Variants in PTPRR observed in about 807,000 individuals in gnomAD.
PTPRR encodes the protein protein tyrosine phosphatase receptor type R.
In PTPRR, 38 loss-of-function variants were observed where a neutral mutation model predicts 77.2. That is an observed-to-expected ratio of 0.49 (90% CI 0.38 to 0.65). The LOEUF is 0.65. PTPRR is among the 30% of genes least tolerant of loss of function. The pLI, the probability that PTPRR is intolerant of heterozygous loss-of-function variation, is 0.00. For synonymous variants in PTPRR, 299 were observed against 283.1 expected (o/e 1.06, Z -0.57); for missense variants, 744 against 799.2 (o/e 0.93, Z 0.83).
intron 2 of PTPRR, among the ~76,000 whole-genome samples, chr12:70,864,003 C>T (rs763054509): frequency 6.6e-6 from 1 of 152,116 alleles, no homozygotes; most frequent in African/African-American, 2.4e-5. Flanking sequence ...GATAGCCTCG[C>T]TGAGATAAGG....
intron 2 of PTPRR, among the ~76,000 whole-genome samples, chr12:70,877,166 AG>A (rs1893065835): frequency 6.6e-6 from 1 of 152,216 alleles, no homozygotes; most frequent in African/African-American, 2.4e-5. Flanking sequence ...GAATGTAAGT[AG>A]GGCTTCGGTC....
intron 1 of PTPRR, among the ~76,000 whole-genome samples, chr12:70,899,235 C>G (rs544130295): frequency 5.3e-5 from 8 of 150,938 alleles, no homozygotes; most frequent in African/African-American, 1.9e-4. Context: ...CCAAAATTAC[C>G]CTGATAACAA....
intron 2 of PTPRR, among the ~76,000 whole-genome samples, chr12:70,787,885 T>C (rs1260005986): frequency 6.6e-6 from 1 of 152,158 alleles, no homozygotes; most frequent in African/African-American, 2.4e-5. Context: ...TTATTCATCA[T>C]CAAGGACCAC....
chr12:70,656,936 AGTATTATAAACCTGGCCCT>A, intron 12 of PTPRR, 119 bp from the exon 13 acceptor site: 2 of 596,830 alleles, frequency 3.4e-6, no homozygotes, highest in Non-Finnish European at 5.9e-6. Flanking sequence ...TCACATATTG[AGTATTATAAACCTGGCCCT>A]GTGCTAAGTG....
At chr12:70,742,703 G>A (rs1281564558) in intron 6 of PTPRR, among the ~76,000 whole-genome samples, 2 of 151,078 alleles carry the variant, frequency 1.3e-5, no homozygotes, top group Non-Finnish European at 3.0e-5. Context: ...GAAAAAAACA[G>A]AATTCGAGGT....
chr12:70,726,581 A>ATT (rs148966922), intron 6 of PTPRR, among the ~76,000 whole-genome samples: 4 of 139,720 alleles, frequency 2.9e-5, no homozygotes, highest in African/African-American at 7.9e-5. Context: ...TCTGCATTTA[A>ATT]TTTTTTTTTT....
chr12:70,809,100 T>C (rs1432377251), intron 2 of PTPRR, among the ~76,000 whole-genome samples: 2 of 152,146 alleles, frequency 1.3e-5, no homozygotes, highest in African/African-American at 4.8e-5. Context: ...TACAGCTAGG[T>C]GTGGTCACAT....
At chr12:70,889,607 T>G (rs1223759703) in intron 2 of PTPRR, among the ~76,000 whole-genome samples, 1 of 152,104 alleles carries the variant, frequency 6.6e-6, no homozygotes, top group Non-Finnish European at 1.5e-5. Context: ...CAAGAAATTT[T>G]AGGATTCTAG....
intron 2 of PTPRR, among the ~76,000 whole-genome samples, chr12:70,769,534 T>G (rs1018474935): frequency 1.3e-5 from 2 of 152,136 alleles, no homozygotes; most frequent in Non-Finnish European, 2.9e-5. Context: ...TGGAAGAACA[T>G]TCCATGCTCA....
At chr12:70,772,526 T>C (rs1891001674) in intron 2 of PTPRR, among the ~76,000 whole-genome samples, 1 of 152,182 alleles carries the variant, frequency 6.6e-6, no homozygotes, top group Non-Finnish European at 1.5e-5. Flanking sequence ...TGCTCAATGC[T>C]ATAGGAATCA....
At chr12:70,695,220 G>A (rs949691626) in intron 8 of PTPRR, among the ~76,000 whole-genome samples, 2 of 152,238 alleles carry the variant, frequency 1.3e-5, no homozygotes, top group African/African-American at 4.8e-5. Flanking sequence ...GAAGAGTTTA[G>A]TGTAGGTTAA....
Position 70,667,172 on chromosome 12 carries a change from A to G in PTPRR, c.1498-4567T>C, listed in dbSNP as rs193140020. 5.0e-3 allele frequency among the ~76,000 whole-genome samples: 763 copies of G among 151,890 alleles called. 4 individuals carry two copies. The highest frequency in any genetic ancestry group is 0.018 in the African/African-American group (738 of 41,438). The stretch of plus-strand genomic sequence containing the variant: ...GGAGTTTCACCGTGTTAGCCAGGAT[A>G]GTCTCGATCTCCTGACGTCGTGATC... On this transcript the variant is annotated intron_variant, in intron 10 of 13. Transcript: ENST00000283228.
intron 2 of PTPRR, among the ~76,000 whole-genome samples, chr12:70,829,249 G>GAAATAAATAAATAAAT (rs71895366): frequency 4.0e-5 from 6 of 149,174 alleles, no homozygotes; most frequent in East Asian, 2.0e-4. Context: ...GAAGGAAAGA[G>GAAATAAATAAATAAAT]AAATAAATAA....
At chr12:70,876,116 T>C (rs1729951620) in intron 2 of PTPRR, among the ~76,000 whole-genome samples, 1 of 152,190 alleles carries the variant, frequency 6.6e-6, no homozygotes, top group Admixed American at 6.6e-5. Context: ...GGTAATTTAT[T>C]AATTAAAATA....
chr12:70,782,802 G>A (rs553516121), intron 2 of PTPRR, among the ~76,000 whole-genome samples: 36 of 152,022 alleles, frequency 2.4e-4, no homozygotes, highest in Non-Finnish European at 5.0e-4. Context: ...AAAGCTGTAC[G>A]TTGTGAACAT....
chr12:70,695,273 AATC>A (rs1406765514), intron 8 of PTPRR, among the ~76,000 whole-genome samples: 2 of 152,336 alleles, frequency 1.3e-5, no homozygotes, highest in East Asian at 3.9e-4. Flanking sequence ...ATCATTTAAT[AATC>A]ATCATTTTAT....
At chr12:70,804,139 CTGTGTGTGTGTG>C (rs58442488) in intron 2 of PTPRR, among the ~76,000 whole-genome samples, 12 of 137,338 alleles carry the variant, frequency 8.7e-5, no homozygotes, top group African/African-American at 2.4e-4. Flanking sequence ...GTTCCTGGCT[CTGTGTGTGTGTG>C]TGTGTGTGTG....
chr12:70,872,192 T>C (rs1273434559), intron 2 of PTPRR, among the ~76,000 whole-genome samples: 1 of 152,194 alleles, frequency 6.6e-6, no homozygotes, highest in East Asian at 1.9e-4. Flanking sequence ...CATTTAGATA[T>C]AACTTTTATT....
intron 6 of PTPRR, among the ~76,000 whole-genome samples, chr12:70,742,847 A>C (rs555070196): frequency 6.6e-6 from 1 of 152,160 alleles, no homozygotes; most frequent in African/African-American, 2.4e-5. Context: ...GGGAAAAACA[A>C]CACGGAGAAG....
Sources: gnomAD v4.1 joint callset for allele counts (sites outside exome capture counted in the v4.1 genomes callset) on GRCh38, gnomAD v4.1.1 for gene constraint, MANE v1.5 for transcripts, NCBI Gene and HGNC (gene_info 2026-07-23, HGNC 2026-07-21) for gene names.